The following TUT7 variants were observed in gnomAD, a reference collection of about 807,000 sequenced individuals.
TUT7 encodes the protein terminal uridylyltransferase 7.
TUT7 carries 33 observed loss-of-function variants against 165.9 expected under a neutral mutation model. That is an observed-to-expected ratio of 0.20 (90% CI 0.15 to 0.27). The LOEUF (loss-of-function observed/expected upper bound fraction) is 0.27. Ranked by LOEUF, TUT7 falls within the 10% of genes least tolerant of loss-of-function variation. The pLI is 1.00. For missense variants in TUT7, 1,338 were observed against 1,762.3 expected (o/e 0.76, Z 4.31); for synonymous variants, 552 against 608.1 (o/e 0.91, Z 1.36).
chr9:86,310,010 T>C lies in TUT7; in HGVS notation c.3386A>G (p.His1129Arg). 1 of 1,613,244 alleles carries C rather than the reference T, an allele frequency of 6.2e-7. No homozygotes were observed. Among genetic ancestry groups the C allele is most frequent in the Non-Finnish European group, 8.5e-7 (1 of 1,179,516 alleles). Residue 1129 changes from histidine to arginine, a missense_variant, in exon 19 of 27, where the codon CAT becomes CGT. This residue lies in a region of TUT7 where 157 missense variants were observed against 357.5 expected (regional missense o/e 0.44). Transcript: ENST00000375963. Reference protein sequence around the residue: ...DISLYNTLALHNTRLLSAYSA... With the variant: ...DISLYNTLALRNTRLLSAYSA... Reference sequence around the variant, plus strand: ...ATAAGCAGATAAAAGCCTTGTGTTATGAAGGGCCTGTTAAAAGGAAAATAA... The same window carrying C: ...ATAAGCAGATAAAAGCCTTGTGTTACGAAGGGCCTGTTAAAAGGAAAATAA...
chr9:86,292,780 GA>G (rs1053551291), intron 26 of TUT7, among the ~76,000 whole-genome samples: 8 of 147,806 alleles, frequency 5.4e-5, no homozygotes, highest in Admixed American at 6.8e-5. Context: ...CTCTCTAAAA[GA>G]AAAAAAAAAT....
At chr9:86,328,797 A>G (rs1366280556) in intron 10 of TUT7, among the ~76,000 whole-genome samples, 1 of 152,182 alleles carries the variant, frequency 6.6e-6, no homozygotes, top group African/African-American at 2.4e-5. Flanking sequence ...CCCAAATCTC[A>G]GCTCCTTCAT....
chr9:86,339,115 A>C (rs1353587460), intron 8 of TUT7, among the ~76,000 whole-genome samples, 166 bp from the exon 9 acceptor site: 3 of 152,224 alleles, frequency 2.0e-5, no homozygotes, highest in African/African-American at 7.2e-5. Flanking sequence ...TAATTTAATA[A>C]ATTTTCTTTA....
chr9:86,324,018 A>C, intron 12 of TUT7, 58 bp from the exon 13 acceptor site: 1 of 1,317,180 alleles, frequency 7.6e-7, no homozygotes, highest in South Asian at 2.0e-5. Context: ...ACTATATTTC[A>C]TGTTTTAAAA....
intron 9 of TUT7, among the ~76,000 whole-genome samples, chr9:86,338,562 C>A (rs1047353463): frequency 1.3e-5 from 2 of 152,030 alleles, no homozygotes; most frequent in Non-Finnish European, 2.9e-5. Flanking sequence ...AATTCCTGGG[C>A]CTTATCCTCT....
chr9:86,343,451 T>C (rs1293958290), intron 5 of TUT7, among the ~76,000 whole-genome samples: 3 of 152,306 alleles, frequency 2.0e-5, no homozygotes, highest in African/African-American at 4.8e-5. Flanking sequence ...AATAAAATAC[T>C]ATTATCTAAA....
At position 86,320,273 on chromosome 9, in the gene TUT7, AG is replaced by A. The variant is rs1203650471; in HGVS notation, c.3029-604del. Among the ~76,000 whole-genome samples the A allele has an allele frequency of 1.3e-3, 200 of 151,050 alleles. 2 individuals carry two copies. Among genetic ancestry groups the A allele is most frequent in the Non-Finnish European group, 2.4e-3 (160 of 67,804 alleles). Reference sequence around the variant, plus strand: ...AAAATTTCCCAAAAAAAAAAAAAAAAGGACTTGTTAAGAACACGTGTCTTCT... The same window carrying A: ...AAAATTTCCCAAAAAAAAAAAAAAAAGACTTGTTAAGAACACGTGTCTTCT... On this transcript the variant is annotated intron_variant, in intron 14 of 26. Transcript: ENST00000375963.
At chr9:86,304,732 C>T (rs1827291987) in intron 24 of TUT7, 124 bp downstream of exon 24, 1 of 640,038 alleles carries the variant, frequency 1.6e-6, no homozygotes, top group Non-Finnish European at 2.7e-6. Flanking sequence ...TCATTCTGTA[C>T]AATAGTCATT....
At position 86,319,543 on chromosome 9, in the gene TUT7, G is replaced by T. The variant is rs1223097774; in HGVS notation, c.3115+41C>A. ...ACACATGAACTGATTTGGAAAAAAG[G>T]TTACACTACTTTTCTTAAAAATAAA... On this transcript the variant is annotated intron_variant, in intron 15 of 26. Coordinates refer to ENST00000375963, the MANE Select transcript of TUT7 (RefSeq NM_024617.4). The T allele has an allele frequency of 2.0e-5, 28 of 1,369,568 alleles. 1 individual carries two copies. The highest frequency in any genetic ancestry group is 2.7e-5 in the Non-Finnish European group (27 of 990,724). 84.8% of individuals were successfully genotyped at this position (1,369,568 alleles called of 1,614,324 possible). A position where few individuals can be genotyped will look rare whatever the true frequency, so the allele number is the denominator to read the frequency against.
At chr9:86,339,993 G>C (rs749222693) in intron 8 of TUT7, 43 bp downstream of exon 8, 2 of 1,500,250 alleles carry the variant, frequency 1.3e-6, no homozygotes, top group Admixed American at 1.7e-5. Context: ...TGTGCTTTTG[G>C]CAAGTTGAGA....
chr9:86,344,953 T>C (rs1056769771), intron 5 of TUT7, 24 bp downstream of exon 5: 8 of 1,589,532 alleles, frequency 5.0e-6, no homozygotes, highest in South Asian at 3.4e-5. Flanking sequence ...GGTAGTTAAA[T>C]AGAAAAACAA....
At chr9:86,340,818 T>C (rs1831261386) in intron 7 of TUT7, among the ~76,000 whole-genome samples, 184 bp downstream of exon 7, 1 of 152,232 alleles carries the variant, frequency 6.6e-6, no homozygotes, top group Non-Finnish European at 1.5e-5. Context: ...ACTTATGAAA[T>C]GGTTATTCTG....
At chr9:86,321,859 T>G (rs2131428935) in intron 14 of TUT7, among the ~76,000 whole-genome samples, 1 of 152,320 alleles carries the variant, frequency 6.6e-6, no homozygotes, top group South Asian at 2.1e-4. Flanking sequence ...TCCATTTGCC[T>G]GAGCCCAGGA....
chr9:86,302,384 C>T (rs1309307818), intron 25 of TUT7, among the ~76,000 whole-genome samples: 3 of 152,312 alleles, frequency 2.0e-5, no homozygotes, highest in Non-Finnish European at 4.4e-5. Flanking sequence ...TATATCCCAA[C>T]GTGCTGAACA....
intron 26 of TUT7, among the ~76,000 whole-genome samples, chr9:86,295,372 T>C (rs1316761476): frequency 6.6e-6 from 1 of 152,132 alleles, no homozygotes; most frequent in Non-Finnish European, 1.5e-5. Flanking sequence ...ATTACATGCT[T>C]TGCAACTACA....
chr9:86,348,910 C>T (rs1832021773), intron 2 of TUT7, among the ~76,000 whole-genome samples: 1 of 152,178 alleles, frequency 6.6e-6, no homozygotes, highest in Non-Finnish European at 1.5e-5. Context: ...TCTAAACCTA[C>T]TTTCACAGGC....
Position 86,323,309 on chromosome 9 carries a change from C to T in TUT7, c.2441G>A (p.Gly814Glu), listed in dbSNP as rs757967439. ...TTCCTCAGTACCTTCTGTACTTTCT[C>T]CATCAAGATCAGCCTTGTTATCTAA... ...ATLDNKADLD[G>E]ESTEGTEELE... is the part of the protein sequence containing the mutation. Residue 814 changes from glycine to glutamate, a missense_variant, in exon 13 of 27, where the codon GGA becomes GAA. Around this residue, in one of 7 missense-constraint regions of TUT7, gnomAD observed 425 missense variants for 474.9 expected, o/e 0.89. Coordinates refer to ENST00000375963, the MANE Select transcript of TUT7 (RefSeq NM_024617.4). 1 of 1,614,150 alleles carries T rather than the reference C, an allele frequency of 6.2e-7. No homozygotes were observed. The highest frequency in any genetic ancestry group is 1.1e-5 in the South Asian group (1 of 91,082).
chr9:86,302,886 G>A (rs879521942), intron 25 of TUT7, among the ~76,000 whole-genome samples, 200 bp downstream of exon 25: 1 of 152,188 alleles, frequency 6.6e-6, no homozygotes, highest in Non-Finnish European at 1.5e-5. Flanking sequence ...TGGGATTACA[G>A]GCGTGAACCA....
At chr9:86,303,403 T>G (rs1383890859) in intron 24 of TUT7, among the ~76,000 whole-genome samples, 1 of 152,228 alleles carries the variant, frequency 6.6e-6, no homozygotes, top group Admixed American at 6.5e-5. Context: ...AATCCATTTT[T>G]GTTTATTCCT....
Sources: gnomAD v4.1 joint callset for allele counts (sites outside exome capture counted in the v4.1 genomes callset) on GRCh38, gnomAD v4.1.1 for gene constraint, gnomAD v4.1.1 regional missense constraint, MANE v1.5 for transcripts, NCBI Gene and HGNC (gene_info 2026-07-23, HGNC 2026-07-21) for gene names.